The following NHSL2 variants were observed in gnomAD, a reference collection of about 807,000 sequenced individuals.
NHSL2 encodes the protein NHS-like protein 2.
A neutral mutation model predicts 53.4 loss-of-function variants in NHSL2; 27 were observed. The ratio of observed to expected loss-of-function variants is 0.51; its 90% CI spans 0.37 to 0.70. NHSL2 has a LOEUF of 0.70. NHSL2 is among the 30% of genes least tolerant of loss of function. NHSL2 has a pLI of 0.00. For missense variants in NHSL2, 892 were observed against 980.1 expected, an observed-to-expected ratio of 0.91 and a Z score of 1.20; for synonymous variants, 408 against 404.1, an observed-to-expected ratio of 1.01 and a Z score of -0.12.
chrX:72,130,652 G>A (rs748229791), intron 1 of NHSL2: 44 of 1,210,168 alleles, frequency 3.6e-5, no homozygotes, highest in Middle Eastern at 2.3e-4. Context: ...AGCTCATCCA[G>A]GTCGGCCATT....
chrX:71,914,407 G>A (rs1005401096), intron 1 of NHSL2, among the ~76,000 whole-genome samples: 1 of 112,293 alleles, frequency 8.9e-6, no homozygotes, highest in East Asian at 2.8e-4. Context: ...CAGGCCATCC[G>A]CGTAGGGATA....
At chrX:72,014,425 C>T (rs1025411128) in intron 1 of NHSL2, among the ~76,000 whole-genome samples, 1 of 111,528 alleles carries the variant, frequency 9.0e-6, no homozygotes, top group African/African-American at 3.3e-5. Flanking sequence ...GCATTTGGAG[C>T]TATAAACTTC....
intron 1 of NHSL2, among the ~76,000 whole-genome samples, chrX:72,061,526 C>A (rs1170874791): frequency 2.7e-5 from 3 of 112,028 alleles, no homozygotes; most frequent in Non-Finnish European, 1.9e-5. Flanking sequence ...TGATCCTGGC[C>A]CATCATCTTT....
At chrX:72,125,950 T>C (rs2042221454) in intron 1 of NHSL2, among the ~76,000 whole-genome samples, 1 of 112,084 alleles carries the variant, frequency 8.9e-6, no homozygotes, top group South Asian at 3.7e-4. Context: ...TCCTGGGAGA[T>C]AGCAAGCACG....
At chrX:72,128,937 T>A (rs991962756) in intron 1 of NHSL2, 6 of 114,012 alleles carry the variant, frequency 5.3e-5, no homozygotes, top group African/African-American at 1.9e-4. Context: ...TTTCTCCTCC[T>A]CCTCTTCTTC....
intron 1 of NHSL2, among the ~76,000 whole-genome samples, chrX:71,996,028 C>T (rs1435884479): frequency 8.9e-6 from 1 of 112,333 alleles, no homozygotes; most frequent in Non-Finnish European, 1.9e-5. Context: ...AGCCACTGGA[C>T]TGTAGGAGTT....
intron 1 of NHSL2, among the ~76,000 whole-genome samples, chrX:71,977,536 C>T (rs1411446658): frequency 9.1e-6 from 1 of 109,928 alleles, no homozygotes; most frequent in African/African-American, 3.3e-5. Context: ...ATCCTCCCAC[C>T]TCAGCCCCCC....
intron 1 of NHSL2, among the ~76,000 whole-genome samples, chrX:72,123,436 C>G (rs1440258982): frequency 9.0e-6 from 1 of 111,623 alleles, no homozygotes; most frequent in Non-Finnish European, 1.9e-5. Flanking sequence ...AGGCCCACGG[C>G]CCCCACCCCC....
chrX:71,911,818 C>T (rs2041604743), intron 1 of NHSL2, among the ~76,000 whole-genome samples: 1 of 113,119 alleles, frequency 8.8e-6, no homozygotes, highest in African/African-American at 3.2e-5. Context: ...AAGCGCGCCG[C>T]AGCCGACCGC....
At chrX:72,029,421 G>T (rs1232542771) in intron 1 of NHSL2, among the ~76,000 whole-genome samples, 2 of 112,452 alleles carry the variant, frequency 1.8e-5, no homozygotes, top group Non-Finnish European at 3.8e-5. Flanking sequence ...GGGTGTTTGC[G>T]ACTGAACTGG....
chrX:72,080,641 C>T (rs1027806186), intron 1 of NHSL2, among the ~76,000 whole-genome samples: 2 of 108,844 alleles, frequency 1.8e-5, no homozygotes, highest in African/African-American at 6.8e-5. Context: ...TACTCTTGTC[C>T]CAGATTCTGA....
intron 1 of NHSL2, among the ~76,000 whole-genome samples, chrX:72,052,916 C>T (rs1266580841): frequency 8.9e-6 from 1 of 111,844 alleles, no homozygotes; most frequent in African/African-American, 3.3e-5. Flanking sequence ...GTTAACGGTG[C>T]AGCTGTGACT....
chrX:71,954,489 A>G (rs748793551), intron 1 of NHSL2, among the ~76,000 whole-genome samples: 12 of 112,275 alleles, frequency 1.1e-4, no homozygotes, highest in African/African-American at 3.6e-4. Flanking sequence ...TGCAACAACA[A>G]TGAGCTCAAG....
chrX:72,023,089 A>G (rs889793627), intron 1 of NHSL2, among the ~76,000 whole-genome samples: 5 of 112,552 alleles, frequency 4.4e-5, no homozygotes, highest in African/African-American at 1.6e-4. Context: ...TTATTCATTC[A>G]TTTATTTCTT....
At position 71,960,267 on chromosome X, in the gene NHSL2, CT is replaced by C. The variant is rs1200295325; in HGVS notation, c.280+48902del. 2.7e-5 allele frequency among the ~76,000 whole-genome samples: 3 copies of C among 112,125 alleles called. No individual in the cohort carries two copies. In the East Asian group the frequency reaches 8.3e-4, roughly 31 times the overall value. ...CTTGATATATTCTGGATACTAGGCC[CT>C]TATCAGATATCTGATTTACAAATAT... On this transcript the variant is annotated intron_variant, in intron 1 of 7. Coordinates refer to ENST00000633930, the MANE Select transcript of NHSL2 (RefSeq NM_001013627.3).
chrX:72,012,693 C>T (rs1016711260), intron 1 of NHSL2, among the ~76,000 whole-genome samples: 1 of 112,698 alleles, frequency 8.9e-6, no homozygotes, highest in African/African-American at 3.2e-5. Flanking sequence ...GGAATCAGGA[C>T]GTAGACGTAT....
chrX:72,048,516 C>T (rs1233603082), intron 1 of NHSL2, among the ~76,000 whole-genome samples: 1 of 110,036 alleles, frequency 9.1e-6, no homozygotes, highest in Non-Finnish European at 1.9e-5. Context: ...GAAAAGGTGA[C>T]ATAATGCCAC....
chrX:72,061,413 T>C (rs745355070), intron 1 of NHSL2, among the ~76,000 whole-genome samples: 1 of 112,139 alleles, frequency 8.9e-6, no homozygotes, highest in Non-Finnish European at 1.9e-5. Context: ...TTCTCATACG[T>C]GCAATGGGGA....
At chrX:71,969,392 A>C (rs1184793375) in intron 1 of NHSL2, among the ~76,000 whole-genome samples, 1 of 101,560 alleles carries the variant, frequency 9.8e-6, no homozygotes, top group African/African-American at 3.7e-5. Context: ...GGTTCACTGC[A>C]ACCTCCACCG....
Sources: gnomAD v4.1 joint callset for allele counts (sites outside exome capture counted in the v4.1 genomes callset) on GRCh38, gnomAD v4.1.1 for gene constraint, MANE v1.5 for transcripts, NCBI Gene and HGNC (gene_info 2026-07-23, HGNC 2026-07-21) for gene names.